SH3GL1: variants seen among roughly 807,000 people sequenced by gnomAD.
SH3GL1 encodes the protein endophilin-A2.
A neutral mutation model predicts 48.8 loss-of-function variants in SH3GL1; 21 were observed. The ratio of observed to expected loss-of-function variants is 0.43; its 90% confidence interval spans 0.30 to 0.62. SH3GL1 has a LOEUF of 0.62. SH3GL1 is among the 20% of genes least tolerant of loss of function. The pLI is 0.11. For missense variants in SH3GL1, 454 were observed against 503.0 expected (o/e 0.90, Z 0.93); for synonymous variants, 282 against 217.5 (o/e 1.30, Z -2.61).
intron 7 of SH3GL1, among the ~76,000 whole-genome samples, chr19:4,362,972 C>T (rs1972664978): frequency 1.3e-5 from 2 of 152,134 alleles, no homozygotes; most frequent in Admixed American, 1.3e-4. Context: ...TGGGGCCTGC[C>T]ACAGCATCTA....
rs748121251 is a variant in SH3GL1 at position 4,363,806 on chromosome 19, C to G, written c.538G>C (p.Asp180His). 1 of 1,613,630 alleles carries G rather than the reference C, an allele frequency of 6.2e-7. No homozygotes were observed. Among genetic ancestry groups the G allele is most frequent in the Non-Finnish European group, 8.5e-7 (1 of 1,180,030 alleles). ...TCCAGCGCCTGGCGTAGCTCCTCATCGGGGATCTTGCCCTGCCGCTTCTTC... is the reference window on the plus strand; with the variant it reads ...TCCAGCGCCTGGCGTAGCTCCTCATGGGGGATCTTGCCCTGCCGCTTCTTC... The part of the protein sequence containing the change: ...YKKKRQGKIP[D>H]EELRQALEKF... Residue 180 changes from aspartate to histidine, a missense_variant, in exon 6 of 10, where the codon GAT becomes CAT. Transcript: ENST00000269886.
chr19:4,382,253 CTTTTTT>C lies in SH3GL1; in HGVS notation c.46-15265_46-15260del, dbSNP rs34085741. Among the ~76,000 whole-genome samples the C allele has an allele frequency of 7.8e-5, 8 of 102,382 alleles. No homozygotes were observed. The South Asian group carries it at 1.1e-3, about 14-fold the overall frequency. 67.2% of individuals were successfully genotyped at this position (102,382 alleles called of 152,430 possible). On this transcript the variant is annotated intron_variant, in intron 1 of 9. Coordinates refer to ENST00000269886, the MANE Select transcript of SH3GL1 (RefSeq NM_003025.4). ...ACAGCAGGGGAAGGTGCTCCGCTTT[CTTTTTT>C]TTTTTTTTTTTTTTTTGAGACGGAG...
Position 4,361,334 on chromosome 19 carries a change from G to A in SH3GL1, c.*266C>T. ...AGCTGGGCGAGAAGTTGGGGAGCGGGGGAGGAGGCTGGCGCCATGGAGTGG... is the reference window on the plus strand; with the variant it reads ...AGCTGGGCGAGAAGTTGGGGAGCGGAGGAGGAGGCTGGCGCCATGGAGTGG... On this transcript the variant is annotated 3_prime_UTR_variant, in exon 10 of 10. Transcript: ENST00000269886. 1.9e-6 allele frequency: 1 copy of A among 518,466 alleles called. No homozygotes were observed. The highest frequency in any genetic ancestry group is 2.5e-5 in the South Asian group (1 of 39,702). 32.1% of individuals were successfully genotyped at this position (518,466 alleles called of 1,614,324 possible).
intron 1 of SH3GL1, among the ~76,000 whole-genome samples, chr19:4,375,113 G>A (rs1972981469): frequency 6.6e-6 from 1 of 152,192 alleles, no homozygotes; most frequent in Admixed American, 6.5e-5. Context: ...CATGCGTGGG[G>A]GAGAAGGGGT....
intron 5 of SH3GL1, 79 bp from the exon 6 acceptor site, chr19:4,363,957 G>A: frequency 6.2e-7 from 1 of 1,605,334 alleles, no homozygotes; most frequent in Non-Finnish European, 8.5e-7. Flanking sequence ...CACTGTCCCT[G>A]CACCACTGGG....
Position 4,365,503 on chromosome 19 carries a change from G to C in SH3GL1, c.310C>G (p.Leu104Val). The C allele has an allele frequency of 6.2e-7, 1 of 1,613,926 alleles. No individual in the cohort carries two copies. The highest frequency in any genetic ancestry group is 1.3e-5 in the African/African-American group (1 of 75,072). ...GECMIRHGKE[L>V]GGESNFGDAL... ...TCACCAAAGTTGGACTCGCCGCCCA[G>C]CTCCTTCCCGTGGCGGATCATGCAC... The change falls in exon 4 of 10, where the codon CTG becomes GTG. Residue 104 changes from leucine to valine, a missense_variant. Coordinates refer to ENST00000269886, the MANE Select transcript of SH3GL1 (RefSeq NM_003025.4).
chr19:4,391,429 C>T (rs1177016769), intron 1 of SH3GL1, among the ~76,000 whole-genome samples: 5 of 152,198 alleles, frequency 3.3e-5, no homozygotes, highest in African/African-American at 1.2e-4. Context: ...TCAGCACCCA[C>T]GGAGCCCCAA....
rs375994081 is a variant in SH3GL1 at position 4,363,913 on chromosome 19, C to T, written c.466-35G>A. 3.3e-4 allele frequency: 535 copies of T among 1,611,334 alleles called. 4 individuals are homozygous for T. The South Asian group carries it at 5.3e-3, about 16-fold the overall frequency. ...TGGGGGACATGGGTCACACCAGTAG[C>T]GGCCAGAGGGCCGCCCCACGCATGG... On this transcript the variant is annotated intron_variant, in intron 5 of 9. Coordinates refer to ENST00000269886, the MANE Select transcript of SH3GL1 (RefSeq NM_003025.4).
At chr19:4,380,928 G>A (rs1973108031) in intron 1 of SH3GL1, among the ~76,000 whole-genome samples, 1 of 152,100 alleles carries the variant, frequency 6.6e-6, no homozygotes, top group South Asian at 2.1e-4. Context: ...GCTCTTAGCA[G>A]GGCACCTCAA....
At position 4,361,771 on chromosome 19, in the gene SH3GL1, C is replaced by T. The variant is rs748966874; in HGVS notation, c.936G>A (p.Lys312=). The change falls in exon 10 of 10, where the codon AAG becomes AAA. Residue 312 remains lysine, a synonymous_variant. Transcript: ENST00000269886. The part of the protein sequence containing the change: ...SMPPLDQPSC[K]ALYDFEPEND... ...TCTCGGGCTCGAAGTCGTACAGCGCCTTGCAGCTCGGCTGGTCCAGGGGCG... is the reference window on the plus strand; with the variant it reads ...TCTCGGGCTCGAAGTCGTACAGCGCTTTGCAGCTCGGCTGGTCCAGGGGCG... 1.9e-6 allele frequency: 3 copies of T among 1,610,710 alleles called. No homozygotes were observed. The highest frequency in any genetic ancestry group is 4.5e-5 in the East Asian group (2 of 44,868).
chr19:4,366,685 A>AC (rs1049260229), intron 2 of SH3GL1, 112 bp from the exon 3 acceptor site: 1 of 1,046,886 alleles, frequency 9.6e-7, no homozygotes, highest in African/African-American at 1.6e-5. Context: ...GGACCCCCCA[A>AC]CCCCCTCTCC....
intron 1 of SH3GL1, among the ~76,000 whole-genome samples, chr19:4,379,858 C>G (rs556944852): frequency 1.3e-5 from 2 of 152,192 alleles, no homozygotes; most frequent in African/African-American, 4.8e-5. Context: ...CAGCCCTGCC[C>G]CCCAAGGCTT....
chr19:4,394,929 C>T (rs2082482), intron 1 of SH3GL1, among the ~76,000 whole-genome samples: 1 of 152,370 alleles, frequency 6.6e-6, no homozygotes. Flanking sequence ...TGAGCATTCT[C>T]TCCCAAAGTT....
At chr19:4,390,780 C>A (rs1973323389) in intron 1 of SH3GL1, among the ~76,000 whole-genome samples, 1 of 152,008 alleles carries the variant, frequency 6.6e-6, no homozygotes, top group Non-Finnish European at 1.5e-5. Context: ...CCCTTCCAAC[C>A]CTCCCGGCAC....
chr19:4,387,008 C>T (rs1308798992), intron 1 of SH3GL1, among the ~76,000 whole-genome samples: 2 of 152,102 alleles, frequency 1.3e-5, no homozygotes, highest in Non-Finnish European at 2.9e-5. Flanking sequence ...GCAATCTTGG[C>T]TCACTGCAAG....
At position 4,361,611 on chromosome 19, in the gene SH3GL1, G is replaced by A; in HGVS notation, c.1096C>T (p.Leu366=). The A allele has an allele frequency of 6.3e-7, 1 of 1,599,158 alleles. No homozygotes were observed. Among genetic ancestry groups the A allele is most frequent in the Non-Finnish European group, 8.5e-7 (1 of 1,176,154 alleles). Residue 366 remains leucine, a synonymous_variant, in exon 10 of 10, where the codon CTG becomes TTG. Coordinates refer to ENST00000269886, the MANE Select transcript of SH3GL1 (RefSeq NM_003025.4). The part of the protein sequence containing the change: ...PLSYVEVLVP[L]PQ ...GGGACACGGGTGAGTCACTGCGGCA[G>A]GGGCACAAGCACCTCCACGTAGCTG...
chr19:4,374,151 C>T (rs925728992), intron 1 of SH3GL1, among the ~76,000 whole-genome samples: 1 of 152,214 alleles, frequency 6.6e-6, no homozygotes, highest in Non-Finnish European at 1.5e-5. Flanking sequence ...TCCAGATGGG[C>T]CCTGGAGGCC....
intron 1 of SH3GL1, among the ~76,000 whole-genome samples, chr19:4,373,902 G>A (rs1972953604): frequency 6.6e-6 from 1 of 152,188 alleles, no homozygotes; most frequent in South Asian, 2.1e-4. Flanking sequence ...CCCGGCCACC[G>A]CAGTCTAAAT....
chr19:4,363,037 A>C (rs372360405), intron 7 of SH3GL1, among the ~76,000 whole-genome samples: 453 of 152,134 alleles, frequency 3.0e-3, no homozygotes, highest in African/African-American at 9.7e-3. Context: ...CCCACCACGG[A>C]CGGCGCCCCA....
Sources: gnomAD v4.1 joint callset for allele counts (sites outside exome capture counted in the v4.1 genomes callset) on GRCh38, gnomAD v4.1.1 for gene constraint, MANE v1.5 for transcripts, NCBI Gene and HGNC (gene_info 2026-07-23, HGNC 2026-07-21) for gene names.